CHKA: variants seen among roughly 807,000 people sequenced by gnomAD.
CHKA encodes the protein choline kinase alpha.
Under a neutral mutation model 60.1 loss-of-function variants are expected in CHKA, and 34 were observed. The observed-to-expected ratio is 0.57, with a 90% confidence interval of 0.43 to 0.75. CHKA has a LOEUF of 0.75. CHKA is among the 30% of genes least tolerant of loss of function. The probability of loss-of-function intolerance (pLI) is 0.00; values close to 1 mark genes in which losing one functional copy is unlikely to be tolerated. For synonymous variants in CHKA, 217 were observed against 223.1 expected (o/e 0.97, Z 0.24); for missense variants, 563 against 561.3 (o/e 1.00, Z -0.03).
chr11:68,108,969 C>T (rs999487115), intron 1 of CHKA, among the ~76,000 whole-genome samples: 2 of 151,612 alleles, frequency 1.3e-5, no homozygotes, highest in African/African-American at 2.4e-5. Flanking sequence ...CATTCTTTGA[C>T]GAGTTTTACC....
intron 3 of CHKA, among the ~76,000 whole-genome samples, chr11:68,077,692 G>GGA (rs967041134): frequency 3.3e-5 from 5 of 152,130 alleles, no homozygotes; most frequent in Non-Finnish European, 7.4e-5. Flanking sequence ...GGAGGGATGG[G>GGA]GAGAGAGAGA....
intron 2 of CHKA, 43 bp downstream of exon 2, chr11:68,096,976 T>C (rs892900675): frequency 1.5e-6 from 2 of 1,374,358 alleles, no homozygotes; most frequent in East Asian, 2.3e-5. Context: ...GGATTTAAAA[T>C]GTTAACAGGA....
intron 11 of CHKA, among the ~76,000 whole-genome samples, chr11:68,056,187 A>G (rs867145615): frequency 6.6e-6 from 1 of 152,168 alleles, no homozygotes; most frequent in Non-Finnish European, 1.5e-5. Context: ...CATTTTCTCC[A>G]TGATATCGTT....
chr11:68,078,852 C>T (rs566725812), intron 3 of CHKA, among the ~76,000 whole-genome samples: 150 of 151,156 alleles, frequency 9.9e-4, no homozygotes, highest in Non-Finnish European at 2.0e-3. Context: ...AGCTAAATCT[C>T]GAGACAGAAC....
At chr11:68,099,435 C>T (rs1857623083) in intron 1 of CHKA, among the ~76,000 whole-genome samples, 2 of 152,132 alleles carry the variant, frequency 1.3e-5, no homozygotes, top group African/African-American at 4.8e-5. Flanking sequence ...TCAAAGGTTA[C>T]TTAAAATGAA....
chr11:68,064,064 TA>T (rs1856350853), intron 10 of CHKA, among the ~76,000 whole-genome samples: 1 of 152,168 alleles, frequency 6.6e-6, no homozygotes, highest in South Asian at 2.1e-4. Flanking sequence ...AATGGAGAAG[TA>T]GCAGATTCTA....
chr11:68,119,471 G>A (rs1013222098), intron 1 of CHKA, among the ~76,000 whole-genome samples: 109 of 152,070 alleles, frequency 7.2e-4, no homozygotes, highest in African/African-American at 2.3e-3. Flanking sequence ...GACGGAACAC[G>A]TTCTTTGTTT....
chr11:68,101,664 AG>A (rs1857730786), intron 1 of CHKA, among the ~76,000 whole-genome samples: 1 of 152,036 alleles, frequency 6.6e-6, no homozygotes, highest in Non-Finnish European at 1.5e-5. Context: ...AAAAAAAAAA[AG>A]AAAAGAAAAA....
chr11:68,061,864 G>A (rs1565172490), intron 11 of CHKA, 89 bp downstream of exon 11: 1 of 929,876 alleles, frequency 1.1e-6, no homozygotes, highest in East Asian at 2.7e-5. Flanking sequence ...GTAAGGAACA[G>A]TCATTTGCTG....
chr11:68,070,929 A>G (rs1856597572), intron 4 of CHKA, 72 bp from the exon 5 acceptor site: 1 of 1,462,052 alleles, frequency 6.8e-7, no homozygotes, highest in Non-Finnish European at 9.5e-7. Context: ...ACACAGTCTT[A>G]GGAACGAGAA....
Position 68,054,251 on chromosome 11 carries a change from C to G in CHKA, c.1315-204G>C, listed in dbSNP as rs565506593. 2.6e-5 allele frequency among the ~76,000 whole-genome samples: 4 copies of G among 152,334 alleles called. No individual in the cohort carries two copies. The East Asian group carries it at 5.8e-4, about 22-fold the overall frequency. On this transcript the variant is annotated intron_variant, in intron 11 of 11. Coordinates refer to ENST00000265689, the MANE Select transcript of CHKA (RefSeq NM_001277.3). ...CTCCTCAAGCTCCCAGCCCACCCCA[C>G]ACACCTTCATTCTCAGGAGGCCTGG... is the stretch of plus-strand genomic sequence containing the variant.
At position 68,070,223 on chromosome 11, in the gene CHKA, T is replaced by C. The variant is rs748944595; in HGVS notation, c.835A>G (p.Ser279Gly). 6.8e-6 allele frequency: 11 copies of C among 1,614,106 alleles called. No individual in the cohort carries two copies. Among genetic ancestry groups the C allele is most frequent in the Non-Finnish European group, 9.3e-6 (11 of 1,179,930 alleles). Residue 279 changes from serine (S) to glycine (G), a missense_variant, in exon 6 of 12, where the codon AGT becomes GGT. Transcript: ENST00000265689. ...SRIKKLHKLL[S>G]YNLPLELENL... ...TCCAGTTCCAAGGGCAGATTGTAAC[T>C]GAGCAATTTGTGGAGCTTTTTAATT...
At chr11:68,078,172 T>A (rs1434171613) in intron 3 of CHKA, among the ~76,000 whole-genome samples, 11 of 152,020 alleles carry the variant, frequency 7.2e-5, no homozygotes, top group Admixed American at 6.6e-4. Flanking sequence ...ACAAACACTA[T>A]CCCCACAGCA....
At chr11:68,114,124 G>C (rs1858290577) in intron 1 of CHKA, among the ~76,000 whole-genome samples, 1 of 152,176 alleles carries the variant, frequency 6.6e-6, no homozygotes, top group Admixed American at 6.5e-5. Context: ...ACTGCTGGTA[G>C]GAATGCAAAA....
At position 68,121,172 on chromosome 11, in the gene CHKA, T is replaced by C. The variant is rs1410024521; in HGVS notation, c.6A>G (p.Lys2=). 1.7e-6 allele frequency: 2 copies of C among 1,194,928 alleles called. No individual in the cohort carries two copies. The highest frequency in any genetic ancestry group is 4.7e-5 in the East Asian group (1 of 21,458). 74.0% of individuals were successfully genotyped at this position (1,194,928 alleles called of 1,614,324 possible). The change falls in exon 1 of 12, where the codon AAA becomes AAG. Residue 2 remains lysine (K), a synonymous_variant. Transcript: ENST00000265689. M[K]TKFCTGGEAE... is the part of the protein sequence containing the mutation. ...CCTCGCCCCCGGTGCAGAATTTGGTTTTCATGCCCGACAGGCGGCCGAGGA... is the reference window on the plus strand; with the variant it reads ...CCTCGCCCCCGGTGCAGAATTTGGTCTTCATGCCCGACAGGCGGCCGAGGA...
chr11:68,104,337 C>A (rs545467690), intron 1 of CHKA, among the ~76,000 whole-genome samples: 1 of 152,154 alleles, frequency 6.6e-6, no homozygotes, highest in South Asian at 2.1e-4. Flanking sequence ...GGAGGGGAGA[C>A]AGGGAGAGGT....
intron 11 of CHKA, among the ~76,000 whole-genome samples, chr11:68,058,814 C>T (rs1046922322): frequency 2.0e-5 from 3 of 152,180 alleles, no homozygotes; most frequent in Non-Finnish European, 2.9e-5. Context: ...TGAGAACAGG[C>T]GTCCTTGCAT....
intron 1 of CHKA, 73 bp downstream of exon 1, chr11:68,120,755 T>A: frequency 1.1e-3 from 100 of 88,336 alleles, no homozygotes; most frequent in Non-Finnish European, 1.4e-3. Flanking sequence ...CCACGCCCCC[T>A]GCCCGGACCC....
chr11:68,090,222 T>C (rs1857305565), intron 2 of CHKA, among the ~76,000 whole-genome samples: 1 of 152,178 alleles, frequency 6.6e-6, no homozygotes, highest in Non-Finnish European at 1.5e-5. Context: ...TTAGACCAAA[T>C]GGGAACGCAC....
Sources: gnomAD v4.1 joint callset for allele counts (sites outside exome capture counted in the v4.1 genomes callset) on GRCh38, gnomAD v4.1.1 for gene constraint, MANE v1.5 for transcripts, NCBI Gene and HGNC (gene_info 2026-07-23, HGNC 2026-07-21) for gene names.